The following ARHGAP15 variants were observed in gnomAD, a reference collection of about 807,000 sequenced individuals.
ARHGAP15 encodes rho GTPase-activating protein 15.
Under a neutral mutation model 63.7 loss-of-function variants are expected in ARHGAP15, and 51 were observed. That is an observed-to-expected ratio of 0.80 (90% confidence interval 0.64 to 1.01). The LOEUF (loss-of-function observed/expected upper bound fraction) is 1.01, where lower values mean the gene tolerates loss of function less well. Ranked by LOEUF, ARHGAP15 falls within the 50% of genes least tolerant of loss-of-function variation. ARHGAP15 has a pLI of 0.00. For missense variants in ARHGAP15, 560 were observed against 564.6 expected (o/e 0.99, Z 0.08); for synonymous variants, 191 against 193.8 (o/e 0.99, Z 0.12).
intron 6 of ARHGAP15, among the ~76,000 whole-genome samples, chr2:143,370,995 G>A (rs187990897): frequency 1.2e-3 from 178 of 152,250 alleles, no homozygotes; most frequent in African/African-American, 4.2e-3. Flanking sequence ...TGTACAATGT[G>A]CCCTGATAAA....
intron 6 of ARHGAP15, among the ~76,000 whole-genome samples, chr2:143,323,007 A>G (rs1558892420): frequency 6.6e-6 from 1 of 152,230 alleles, no homozygotes; most frequent in Non-Finnish European, 1.5e-5. Flanking sequence ...TGAATAGTTA[A>G]AAGCTTGTAT....
intron 12 of ARHGAP15, 130 bp downstream of exon 12, chr2:143,624,397 G>C: frequency 2.7e-6 from 3 of 1,098,818 alleles, no homozygotes; most frequent in Non-Finnish European, 3.6e-6. Context: ...CATATCTTAC[G>C]TTTTCGTTTT....
At chr2:143,325,827 T>C (rs368200958) in intron 6 of ARHGAP15, among the ~76,000 whole-genome samples, 60 of 152,304 alleles carry the variant, frequency 3.9e-4, no homozygotes, top group African/African-American at 1.4e-3. Context: ...TATAATGCAC[T>C]TATTCAATGA....
intron 3 of ARHGAP15, among the ~76,000 whole-genome samples, chr2:143,213,740 TAA>T (rs1280251513): frequency 6.6e-6 from 1 of 152,202 alleles, no homozygotes; most frequent in Non-Finnish European, 1.5e-5. Context: ...GAAAATGATA[TAA>T]GAGAAGATAA....
intron 6 of ARHGAP15, among the ~76,000 whole-genome samples, chr2:143,314,091 A>C (rs1244352055): frequency 6.6e-6 from 1 of 151,688 alleles, no homozygotes; most frequent in African/African-American, 2.4e-5. Flanking sequence ...TGACATTGCT[A>C]TTTGCAGAAA....
chr2:143,218,701 G>A (rs1414387591), intron 4 of ARHGAP15, among the ~76,000 whole-genome samples: 1 of 152,104 alleles, frequency 6.6e-6, no homozygotes, highest in Non-Finnish European at 1.5e-5. Context: ...TATGTCCTGA[G>A]AGATGCATCC....
At chr2:143,221,522 G>C (rs1692996974) in intron 4 of ARHGAP15, among the ~76,000 whole-genome samples, 1 of 152,150 alleles carries the variant, frequency 6.6e-6, no homozygotes, top group Non-Finnish European at 1.5e-5. Flanking sequence ...TGAACCATAG[G>C]AATTTCTTCA....
In ARHGAP15 at chr2:143,227,720, A is replaced by G. The variant is rs574917855; in HGVS notation, c.297-861A>G. 2.0e-4 allele frequency among the ~76,000 whole-genome samples: 31 copies of G among 152,294 alleles called. No homozygotes were observed. In the South Asian group the frequency reaches 6.2e-3, roughly 31 times the overall value. ...GTTCATTATTCCATTATATGGACCT[A>G]TTATATGCAATTTATTTAACCTATC... is the stretch of plus-strand genomic sequence containing the variant. On this transcript the variant is annotated intron_variant, in intron 4 of 13. Coordinates refer to ENST00000295095, the MANE Select transcript of ARHGAP15 (RefSeq NM_018460.4).
At chr2:143,296,520 C>T (rs750780150) in intron 6 of ARHGAP15, among the ~76,000 whole-genome samples, 21 of 151,938 alleles carry the variant, frequency 1.4e-4, no homozygotes, top group Admixed American at 5.3e-4. Context: ...GGAAGCCATC[C>T]GGTAAGGTAG....
chr2:143,421,738 C>A (rs940797672), intron 6 of ARHGAP15, among the ~76,000 whole-genome samples: 41 of 148,140 alleles, frequency 2.8e-4, no homozygotes, highest in Non-Finnish European at 5.3e-4. Context: ...GATATATATA[C>A]ATATATAAAT....
chr2:143,461,095 G>A (rs909848014), intron 8 of ARHGAP15, among the ~76,000 whole-genome samples: 2 of 151,820 alleles, frequency 1.3e-5, no homozygotes, highest in East Asian at 1.9e-4. Context: ...TTTGAGACCA[G>A]CCTGGCCAAC....
intron 12 of ARHGAP15, among the ~76,000 whole-genome samples, chr2:143,634,220 T>C (rs776713504): frequency 6.6e-6 from 1 of 152,050 alleles, no homozygotes; most frequent in Non-Finnish European, 1.5e-5. Flanking sequence ...GACTGCTCCA[T>C]CTGTCTACCG....
chr2:143,439,422 C>CAAAAAAAAAAAAAAAAAA lies in ARHGAP15; in HGVS notation c.703+2389_703+2406dup. 3.8e-3 allele frequency among the ~76,000 whole-genome samples: 122 copies of CAAAAAAAAAAAAAAAAAA among 31,744 alleles called. 11 individuals are homozygous for CAAAAAAAAAAAAAAAAAA. Among genetic ancestry groups the CAAAAAAAAAAAAAAAAAA allele is most frequent in the Non-Finnish European group, 4.4e-3 (75 of 17,008 alleles). The allele number at this position is 31,744 out of a possible 152,430, so 20.8% of individuals were successfully genotyped here. On this transcript the variant is annotated intron_variant, in intron 8 of 13. Transcript: ENST00000295095. ...TGGGCGACAGAGCAAGACTCTGTCT[C>CAAAAAAAAAAAAAAAAAA]AAAAAAAAAAAAAAAAAAAAAAAAA...
At chr2:143,636,552 T>G (rs555215779) in intron 12 of ARHGAP15, among the ~76,000 whole-genome samples, 1 of 152,104 alleles carries the variant, frequency 6.6e-6, no homozygotes, top group Non-Finnish European at 1.5e-5. Context: ...AGCAGAAATC[T>G]CCACCAAGGA....
intron 13 of ARHGAP15, among the ~76,000 whole-genome samples, chr2:143,741,596 C>T (rs924909912): frequency 6.6e-6 from 1 of 152,178 alleles, no homozygotes; most frequent in African/African-American, 2.4e-5. Flanking sequence ...GTCAAAGAGA[C>T]ATTTTTCAGA....
chr2:143,275,354 G>A (rs1342970547), intron 6 of ARHGAP15, among the ~76,000 whole-genome samples: 1 of 152,098 alleles, frequency 6.6e-6, no homozygotes, highest in Non-Finnish European at 1.5e-5. Flanking sequence ...ACTATTGATA[G>A]CAAAAAATGG....
At chr2:143,632,254 A>C (rs1046193902) in intron 12 of ARHGAP15, among the ~76,000 whole-genome samples, 1 of 152,098 alleles carries the variant, frequency 6.6e-6, no homozygotes, top group Non-Finnish European at 1.5e-5. Context: ...GATCAAAAAC[A>C]ATTTTATGAT....
intron 6 of ARHGAP15, among the ~76,000 whole-genome samples, chr2:143,344,688 AG>A (rs1685195482): frequency 1.3e-5 from 2 of 152,170 alleles, no homozygotes; most frequent in African/African-American, 4.8e-5. Flanking sequence ...TGGCTTGAAA[AG>A]AACACTGTAT....
chr2:143,703,463 G>A lies in ARHGAP15; in HGVS notation c.1183G>A (p.Val395Ile). 1 of 1,611,622 alleles carries A rather than the reference G, an allele frequency of 6.2e-7. No homozygotes were observed. Among genetic ancestry groups the A allele is most frequent in the African/African-American group, 1.3e-5 (1 of 74,768 alleles). ...AAGAATTGAAGCTGTAAAATCTCTT[G>A]TACAAAAACTCCCTCCGCCAAATCG... ...NTRIEAVKSLVQKLPPPNRDT... is the reference protein window; with the variant it reads ...NTRIEAVKSLIQKLPPPNRDT... Residue 395 changes from valine to isoleucine, a missense_variant, in exon 13 of 14, where the codon GTA becomes ATA. Physicochemically the swap from Val to Ile is conservative, Grantham distance 29. Transcript: ENST00000295095.
Sources: gnomAD v4.1 joint callset for allele counts (sites outside exome capture counted in the v4.1 genomes callset) on GRCh38, gnomAD v4.1.1 for gene constraint, MANE v1.5 for transcripts, NCBI Gene and HGNC (gene_info 2026-07-23, HGNC 2026-07-21) for gene names.